The following ANKRD33B variants were observed in gnomAD, a reference collection of about 807,000 sequenced individuals.
ANKRD33B encodes ankyrin repeat domain 33B, also known as ankyrin repeat domain-containing protein 33B.
ANKRD33B carries 6 observed loss-of-function variants against 21.5 expected under a neutral mutation model. The observed-to-expected ratio is 0.28, with a 90% CI of 0.15 to 0.55. The LOEUF (loss-of-function observed/expected upper bound fraction) is 0.55, where lower values mean the gene tolerates loss of function less well. ANKRD33B is among the 20% of genes least tolerant of loss of function. The pLI is 0.94. For missense variants in ANKRD33B, 698 were observed against 747.2 expected, an observed-to-expected ratio of 0.93 and a Z score of 0.77; for synonymous variants, 347 against 342.4, an observed-to-expected ratio of 1.01 and a Z score of -0.15.
intron 1 of ANKRD33B, among the ~76,000 whole-genome samples, chr5:10,603,893 G>T (rs1735983360): frequency 6.7e-6 from 1 of 149,698 alleles, no homozygotes. Flanking sequence ...TTCAAAAGGA[G>T]AACTTTTTTT....
At chr5:10,596,828 G>A (rs562334979) in intron 1 of ANKRD33B, among the ~76,000 whole-genome samples, 48 of 152,164 alleles carry the variant, frequency 3.2e-4, no homozygotes, top group African/African-American at 1.0e-3. Context: ...AGAGAATCCC[G>A]TCAGACTAAC....
chr5:10,650,194 C>G lies in ANKRD33B; in HGVS notation c.*81C>G, dbSNP rs551894016. 4 of 1,351,006 alleles carry G rather than the reference C, an allele frequency of 3.0e-6. No homozygotes were observed. Among genetic ancestry groups the G allele is most frequent in the Non-Finnish European group, 9.6e-7 (1 of 1,042,660 alleles). 83.7% of individuals were successfully genotyped at this position (1,351,006 alleles called of 1,614,324 possible). Reference sequence around the variant, plus strand: ...CTGGGCGCGGAGAAGGAGGCGGCCCCGTTGCGCATCGCACCACTTCCGCTC... The same window carrying G: ...CTGGGCGCGGAGAAGGAGGCGGCCCGGTTGCGCATCGCACCACTTCCGCTC... On this transcript the variant is annotated 3_prime_UTR_variant, in exon 4 of 4. Transcript: ENST00000296657.
At chr5:10,594,526 ATTC>A (rs1225903313) in intron 1 of ANKRD33B, among the ~76,000 whole-genome samples, 2 of 152,048 alleles carry the variant, frequency 1.3e-5, no homozygotes, top group African/African-American at 4.8e-5. Flanking sequence ...CCAAAAACAC[ATTC>A]TTCTTTCTAC....
At chr5:10,604,281 T>C (rs547432438) in intron 1 of ANKRD33B, among the ~76,000 whole-genome samples, 1 of 150,212 alleles carries the variant, frequency 6.7e-6, no homozygotes, top group African/African-American at 2.5e-5. Context: ...AACCTCCGCT[T>C]CCTGGGTTCA....
chr5:10,644,001 GAATT>G (rs1214333336), intron 3 of ANKRD33B, among the ~76,000 whole-genome samples: 3 of 108,698 alleles, frequency 2.8e-5, no homozygotes, highest in Admixed American at 9.1e-5. Flanking sequence ...AGATGGGTAA[GAATT>G]AAAAAAAAAA....
At chr5:10,625,079 CAG>C (rs1285936393) in intron 2 of ANKRD33B, 3 of 266,210 alleles carry the variant, frequency 1.1e-5, no homozygotes, top group Non-Finnish European at 2.3e-5. Context: ...CAGACAGACA[CAG>C]AGGCATCACG....
At chr5:10,644,766 T>C (rs893565871) in intron 3 of ANKRD33B, among the ~76,000 whole-genome samples, 2 of 152,212 alleles carry the variant, frequency 1.3e-5, no homozygotes, top group African/African-American at 4.8e-5. Flanking sequence ...TTGAAGTCAT[T>C]AGCCAGAGAA....
chr5:10,614,088 T>G (rs2126578875), intron 1 of ANKRD33B, among the ~76,000 whole-genome samples: 1 of 151,494 alleles, frequency 6.6e-6, no homozygotes, highest in South Asian at 2.1e-4. Flanking sequence ...TTGTAGGGGC[T>G]GGCAAGTTCA....
At chr5:10,598,769 T>G (rs1735870404) in intron 1 of ANKRD33B, among the ~76,000 whole-genome samples, 2 of 152,154 alleles carry the variant, frequency 1.3e-5, no homozygotes, top group Non-Finnish European at 2.9e-5. Context: ...TAATACTTGG[T>G]TAGCCAGGCA....
At chr5:10,570,096 C>T (rs1004216610) in intron 1 of ANKRD33B, among the ~76,000 whole-genome samples, 6 of 152,066 alleles carry the variant, frequency 3.9e-5, no homozygotes, top group Non-Finnish European at 7.4e-5. Flanking sequence ...AGGCTGGTCT[C>T]GAACTCCTGA....
intron 3 of ANKRD33B, among the ~76,000 whole-genome samples, chr5:10,641,613 C>T (rs994975637): frequency 2.6e-4 from 40 of 152,092 alleles, no homozygotes; most frequent in African/African-American, 8.4e-4. Context: ...TGTGCAGCAC[C>T]GCCCAGTCTG....
Position 10,649,852 on chromosome 5 carries a change from C to T in ANKRD33B, c.1224C>T (p.Pro408=). ...APAPRKASLL[P]LQRLRRRSVR... ...CCCCGCGGAAGGCCAGCCTCCTGCCCCTGCAGCGCCTGCGGCGGAGAAGCG... is the reference window on the plus strand; with the variant it reads ...CCCCGCGGAAGGCCAGCCTCCTGCCTCTGCAGCGCCTGCGGCGGAGAAGCG... Residue 408 remains proline (P), a synonymous_variant, in exon 4 of 4, where the codon CCC becomes CCT. Transcript: ENST00000296657. 2 of 1,419,556 alleles carry T rather than the reference C, an allele frequency of 1.4e-6. No homozygotes were observed. The highest frequency in any genetic ancestry group is 1.8e-6 in the Non-Finnish European group (2 of 1,092,424). The allele number at this position is 1,419,556 out of a possible 1,614,324, so 87.9% of individuals were successfully genotyped here.
At chr5:10,604,278 G>A (rs1488698872) in intron 1 of ANKRD33B, among the ~76,000 whole-genome samples, 4 of 137,198 alleles carry the variant, frequency 2.9e-5, no homozygotes, top group Non-Finnish European at 6.1e-5. Flanking sequence ...TGCAACCTCC[G>A]CTTCCTGGGT....
Position 10,633,049 on chromosome 5 carries a change from A to C in ANKRD33B, c.497-4979A>C, listed in dbSNP as rs1024398018. Among the ~76,000 whole-genome samples the C allele has an allele frequency of 3.0e-4, 44 of 148,926 alleles. 1 individual carries two copies. Among genetic ancestry groups the C allele is most frequent in the African/African-American group, 1.1e-3 (44 of 40,322 alleles). On this transcript the variant is annotated intron_variant, in intron 2 of 3. Coordinates refer to ENST00000296657, the MANE Select transcript of ANKRD33B (RefSeq NM_001164440.2). ...GTGATCCACCCCCCTCAGCCTCCCA[A>C]AGTGCTAGGATTACAGGCGTGAGCC...
intron 2 of ANKRD33B, among the ~76,000 whole-genome samples, chr5:10,637,008 C>G (rs1736881747): frequency 6.6e-6 from 1 of 152,146 alleles, no homozygotes; most frequent in Non-Finnish European, 1.5e-5. Context: ...CAGGGCAGTC[C>G]CCACAACCAA....
In ANKRD33B at chr5:10,596,331, CT is replaced by C. The variant is rs541089777; in HGVS notation, c.367-22001del. On this transcript the variant is annotated intron_variant, in intron 1 of 3. Coordinates refer to ENST00000296657, the MANE Select transcript of ANKRD33B (RefSeq NM_001164440.2). ...CTGATGCTCTCCTGCCTCACACCCCCTGATAAGCCCCTGTGTGCATTGATCC... is the reference window on the plus strand; with the variant it reads ...CTGATGCTCTCCTGCCTCACACCCCCGATAAGCCCCTGTGTGCATTGATCC... Among the ~76,000 whole-genome samples the C allele has an allele frequency of 2.4e-3, 360 of 152,330 alleles. 1 individual carries two copies. The highest frequency in any genetic ancestry group is 8.2e-3 in the African/African-American group (342 of 41,568).
In ANKRD33B at chr5:10,649,450, G is replaced by A. The variant is rs1737271678; in HGVS notation, c.822G>A (p.Ala274=). 3 of 1,535,060 alleles carry A rather than the reference G, an allele frequency of 2.0e-6. No individual in the cohort carries two copies. Among genetic ancestry groups the A allele is most frequent in the Non-Finnish European group, 2.6e-6 (3 of 1,146,348 alleles). The change falls in exon 4 of 4, where the codon GCG becomes GCA. Residue 274 remains alanine, a synonymous_variant. Transcript: ENST00000296657. ...PPPPEAARKP[A]GSKNCLQRLT... Reference sequence around the variant, plus strand: ...CCCCTGAAGCGGCGCGGAAGCCCGCGGGCTCCAAGAACTGCCTGCAGAGGC... The same window carrying A: ...CCCCTGAAGCGGCGCGGAAGCCCGCAGGCTCCAAGAACTGCCTGCAGAGGC...
At chr5:10,591,350 G>C (rs1171833979) in intron 1 of ANKRD33B, among the ~76,000 whole-genome samples, 1 of 151,912 alleles carries the variant, frequency 6.6e-6, no homozygotes, top group African/African-American at 2.4e-5. Flanking sequence ...GTGCCACCAT[G>C]CCTGGCTAAT....
intron 3 of ANKRD33B, among the ~76,000 whole-genome samples, chr5:10,644,005 TAA>T (rs71998359): frequency 2.8e-4 from 39 of 140,940 alleles, no homozygotes; most frequent in Non-Finnish European, 2.6e-4. Context: ...GGGTAAGAAT[TAA>T]AAAAAAAAAA....
Sources: gnomAD v4.1 joint callset for allele counts (sites outside exome capture counted in the v4.1 genomes callset) on GRCh38, gnomAD v4.1.1 for gene constraint, MANE v1.5 for transcripts, NCBI Gene and HGNC (gene_info 2026-07-23, HGNC 2026-07-21) for gene names.